Variants in PTPRN2 observed in about 807,000 individuals in gnomAD.
PTPRN2 encodes protein tyrosine phosphatase receptor type N2.
Under a neutral mutation model 118.8 loss-of-function variants are expected in PTPRN2, and 74 were observed. The ratio of observed to expected loss-of-function variants is 0.62; its 90% CI spans 0.52 to 0.76. The LOEUF is 0.76. Ranked by LOEUF, PTPRN2 falls within the 30% of genes least tolerant of loss-of-function variation. PTPRN2 has a pLI of 0.00. For missense variants in PTPRN2, 1,481 were observed against 1,394.4 expected (o/e 1.06, Z -0.99); for synonymous variants, 641 against 608.0 (o/e 1.05, Z -0.80).
At chr7:158,531,760 G>A (rs1032713019) in intron 1 of PTPRN2, among the ~76,000 whole-genome samples, 8 of 152,154 alleles carry the variant, frequency 5.3e-5, no homozygotes, top group Non-Finnish European at 8.8e-5. Context: ...CACCAGGCTC[G>A]ACGCCCTCAC....
intron 2 of PTPRN2, among the ~76,000 whole-genome samples, chr7:158,333,855 C>T (rs199642083): frequency 0.035 from 3,454 of 98,206 alleles, no homozygotes; most frequent in African/African-American, 0.054. Context: ...AGCTGACACC[C>T]GCAGACGTCA....
At chr7:158,107,057 A>G (rs1283029422) in intron 10 of PTPRN2, among the ~76,000 whole-genome samples, 1 of 152,050 alleles carries the variant, frequency 6.6e-6, no homozygotes, top group Admixed American at 6.5e-5. Flanking sequence ...CTCACAAGAA[A>G]CCAAGGTGGT....
intron 1 of PTPRN2, among the ~76,000 whole-genome samples, chr7:158,510,375 G>A (rs903900548): frequency 1.5e-4 from 23 of 152,106 alleles, no homozygotes; most frequent in Non-Finnish European, 2.8e-4. Context: ...AAAGAAATGA[G>A]TGAATTAATG....
chr7:158,036,026 A>C (rs1312807819), intron 11 of PTPRN2, among the ~76,000 whole-genome samples: 6 of 152,260 alleles, frequency 3.9e-5, no homozygotes, highest in Non-Finnish European at 8.8e-5. Context: ...AGAAAGCAGC[A>C]GAGAGCACAG....
rs967113409 is a variant in PTPRN2, at chr7:158,154,397, G to C, written c.910+12534C>G. On this transcript the variant is annotated intron_variant, in intron 6 of 22. Transcript: ENST00000389418. ...AGTGTGTTGTCTACTACCTGCTAAT[G>C]CTCAGTATTTGTTGACAGGAAGTTG... Among the ~76,000 whole-genome samples, 14 of 152,322 alleles carry C rather than the reference G, an allele frequency of 9.2e-5. 1 individual carries two copies. In the East Asian group the frequency reaches 2.5e-3, roughly 27 times the overall value.
chr7:158,406,638 A>ACTCG (rs1813467735), intron 2 of PTPRN2, among the ~76,000 whole-genome samples: 1 of 152,118 alleles, frequency 6.6e-6, no homozygotes, highest in Non-Finnish European at 1.5e-5. Flanking sequence ...TGCTGCAGCC[A>ACTCG]CTCGCTGGCA....
intron 11 of PTPRN2, among the ~76,000 whole-genome samples, chr7:157,996,617 T>A (rs1257261223): frequency 6.6e-6 from 1 of 152,074 alleles, no homozygotes; most frequent in Non-Finnish European, 1.5e-5. Context: ...GGTGTGGGTT[T>A]GCTCTGGCTG....
chr7:157,921,759 A>C (rs1227405774), intron 11 of PTPRN2, among the ~76,000 whole-genome samples: 3 of 152,210 alleles, frequency 2.0e-5, no homozygotes, highest in African/African-American at 4.8e-5. Context: ...CAGCCTCCAC[A>C]ACTGTGAGCT....
chr7:158,243,259 G>T (rs1795997947), intron 3 of PTPRN2, among the ~76,000 whole-genome samples: 3 of 152,208 alleles, frequency 2.0e-5, no homozygotes, highest in Non-Finnish European at 1.5e-5. Flanking sequence ...ACCAGACTCA[G>T]AGCTGAAAAG....
chr7:158,273,184 T>A (rs1198924572), intron 3 of PTPRN2, among the ~76,000 whole-genome samples: 2 of 152,062 alleles, frequency 1.3e-5, no homozygotes, highest in African/African-American at 2.4e-5. Context: ...GGAGGAACCC[T>A]CCTAGGACAG....
At chr7:157,645,409 AG>A (rs1489033651) in intron 14 of PTPRN2, among the ~76,000 whole-genome samples, 2 of 152,232 alleles carry the variant, frequency 1.3e-5, no homozygotes, top group East Asian at 1.9e-4. Context: ...CTATGGCACT[AG>A]GGGGACGCCA....
At chr7:158,145,878 TG>T (rs1212992207) in intron 6 of PTPRN2, among the ~76,000 whole-genome samples, 2 of 152,206 alleles carry the variant, frequency 1.3e-5, no homozygotes, top group African/African-American at 4.8e-5. Context: ...CCCGGAGTCT[TG>T]GCCCCAGCGC....
intron 5 of PTPRN2, among the ~76,000 whole-genome samples, chr7:158,178,934 A>G (rs982521578): frequency 6.6e-6 from 1 of 152,100 alleles, no homozygotes; most frequent in Non-Finnish European, 1.5e-5. Context: ...CTGGTTCCAT[A>G]TCTTTGCAAT....
At chr7:158,230,369 T>G (rs934467271) in intron 3 of PTPRN2, among the ~76,000 whole-genome samples, 1 of 152,168 alleles carries the variant, frequency 6.6e-6, no homozygotes, top group Non-Finnish European at 1.5e-5. Context: ...ACTCCAATAC[T>G]GTAATTGTGG....
intron 2 of PTPRN2, among the ~76,000 whole-genome samples, chr7:158,369,274 C>CATAG (rs1472260126): frequency 1.7e-5 from 1 of 58,694 alleles, no homozygotes; most frequent in East Asian, 6.5e-4. Context: ...CACATACACA[C>CATAG]ACACACACAC....
At chr7:158,029,097 C>T (rs1020829027) in intron 11 of PTPRN2, 1 of 152,364 alleles carries the variant, frequency 6.6e-6, no homozygotes, top group African/African-American at 2.4e-5. Context: ...GAAGAACCCA[C>T]ACCTCTGTCC....
intron 2 of PTPRN2, among the ~76,000 whole-genome samples, chr7:158,364,944 C>T (rs1040699535): frequency 6.6e-6 from 1 of 151,462 alleles, no homozygotes; most frequent in African/African-American, 2.4e-5. Flanking sequence ...ACACAACCAC[C>T]CTTGCACATA....
At chr7:158,083,755 C>G (rs949103991) in intron 10 of PTPRN2, among the ~76,000 whole-genome samples, 3 of 152,282 alleles carry the variant, frequency 2.0e-5, no homozygotes, top group Admixed American at 2.0e-4. Context: ...ACCCAGTGAC[C>G]ATCGCCGTCA....
chr7:158,133,326 C>CTG (rs1393584765), intron 9 of PTPRN2, among the ~76,000 whole-genome samples: 1 of 152,234 alleles, frequency 6.6e-6, no homozygotes, highest in Non-Finnish European at 1.5e-5. Flanking sequence ...AGACCCCACC[C>CTG]TGCCTGGCCG....
Sources: gnomAD v4.1 joint callset for allele counts (sites outside exome capture counted in the v4.1 genomes callset) on GRCh38, gnomAD v4.1.1 for gene constraint, MANE v1.5 for transcripts, NCBI Gene and HGNC (gene_info 2026-07-23, HGNC 2026-07-21) for gene names.